KAZN: variants seen among roughly 807,000 people sequenced by gnomAD.
The protein encoded by KAZN is kazrin, periplakin interacting protein.
KAZN carries 40 observed loss-of-function variants against 87.4 expected under a neutral mutation model. That is an observed-to-expected ratio of 0.46 (90% CI 0.36 to 0.60). The LOEUF is 0.60. Among genes scored for constraint, KAZN ranks in the 20% least tolerant of loss-of-function variants. The probability of loss-of-function intolerance (pLI) is 0.00; values close to 1 mark genes in which losing one functional copy is unlikely to be tolerated. For missense variants in KAZN, 898 were observed against 1,073.9 expected, an observed-to-expected ratio of 0.84 and a Z score of 2.29; for synonymous variants, 466 against 458.3, an observed-to-expected ratio of 1.02 and a Z score of -0.22.
chr1:14,496,115 G>A (rs1292275794), intron 2 of KAZN, among the ~76,000 whole-genome samples: 1 of 152,166 alleles, frequency 6.6e-6, no homozygotes, highest in Non-Finnish European at 1.5e-5. Context: ...CAATGAAGAA[G>A]AAAGATCCTT....
intron 2 of KAZN, among the ~76,000 whole-genome samples, chr1:14,337,131 T>C (rs703801): frequency 0.4 from 60,609 of 152,138 alleles, 13,432 homozygotes; most frequent in African/African-American, 0.6. Flanking sequence ...ATGACGCATA[T>C]GAAGCACTTA....
chr1:14,596,616 C>A (rs1421206137), upstream of KAZN, among the ~76,000 whole-genome samples: 1 of 152,218 alleles, frequency 6.6e-6, no homozygotes, highest in African/African-American at 2.4e-5. Context: ...TTCTTCCCTC[C>A]CCACAGCCCC....
At chr1:14,137,701 C>CTTTTTT (rs35819477) in intron 1 of KAZN, among the ~76,000 whole-genome samples, 13 of 65,062 alleles carry the variant, frequency 2.0e-4, no homozygotes, top group South Asian at 7.1e-4. Flanking sequence ...AAATATAAGG[C>CTTTTTT]TTTTTTTTTT....
At chr1:14,339,054 G>T (rs74057185) in intron 2 of KAZN, among the ~76,000 whole-genome samples, 3 of 152,094 alleles carry the variant, frequency 2.0e-5, no homozygotes, top group Admixed American at 6.6e-5. Context: ...CATGATTTTC[G>T]TGGGGATTCA....
intron 1 of KAZN, among the ~76,000 whole-genome samples, chr1:14,934,870 C>T (rs899274181): frequency 2.0e-5 from 3 of 152,238 alleles, no homozygotes; most frequent in Admixed American, 2.0e-4. Context: ...GTCTGTGGCC[C>T]TGCAGCCACC....
At chr1:14,135,227 G>T (rs1350998761) in intron 1 of KAZN, among the ~76,000 whole-genome samples, 2 of 152,178 alleles carry the variant, frequency 1.3e-5, no homozygotes, top group Non-Finnish European at 2.9e-5. Flanking sequence ...CTGTGAGGAG[G>T]CCTTGCCCAC....
chr1:14,898,572 C>T (rs902417965), intron 1 of KAZN, among the ~76,000 whole-genome samples: 2 of 152,166 alleles, frequency 1.3e-5, no homozygotes, highest in Non-Finnish European at 2.9e-5. Flanking sequence ...CAAGCAATTT[C>T]AGGCCCAAAT....
intron 1 of KAZN, among the ~76,000 whole-genome samples, chr1:14,800,201 A>C (rs1027962233): frequency 2.6e-5 from 4 of 152,186 alleles, no homozygotes; most frequent in Non-Finnish European, 4.4e-5. Flanking sequence ...CAAAACCAAG[A>C]ACCACATATG....
intron 2 of KAZN, among the ~76,000 whole-genome samples, chr1:15,003,304 T>G (rs907112782): frequency 1.3e-5 from 2 of 152,184 alleles, no homozygotes; most frequent in Admixed American, 1.3e-4. Flanking sequence ...TGTTTTCATC[T>G]CTATTGCTCC....
intron 2 of KAZN, among the ~76,000 whole-genome samples, chr1:14,208,894 C>T (rs1359082109): frequency 3.3e-5 from 5 of 152,150 alleles, no homozygotes. Flanking sequence ...TTCTCATGCC[C>T]CACAACCCCC....
intron 1 of KAZN, among the ~76,000 whole-genome samples, chr1:14,643,249 C>T (rs1477017793): frequency 6.6e-6 from 1 of 152,116 alleles, no homozygotes; most frequent in Non-Finnish European, 1.5e-5. Context: ...GGGGAGTTGC[C>T]TTACAGGTTA....
At chr1:15,023,326 G>A (rs763387271) in intron 2 of KAZN, among the ~76,000 whole-genome samples, 1 of 152,196 alleles carries the variant, frequency 6.6e-6, no homozygotes, top group Non-Finnish European at 1.5e-5. Flanking sequence ...CCAGTTCAAA[G>A]GAAAACAAAG....
At chr1:14,087,492 A>G (rs1345537844) in intron 1 of KAZN, among the ~76,000 whole-genome samples, 1 of 152,102 alleles carries the variant, frequency 6.6e-6, no homozygotes, top group Non-Finnish European at 1.5e-5. Context: ...CTCTAGTGCA[A>G]TAGCAAATAA....
Position 14,488,831 on chromosome 1 carries a change from C to T in KAZN, c.250-110152C>T, listed in dbSNP as rs78333975. Among the ~76,000 whole-genome samples the T allele has an allele frequency of 9.7e-3, 1,470 of 152,322 alleles. 20 individuals carry two copies. Among genetic ancestry groups the T allele is most frequent in the African/African-American group, 0.034 (1,395 of 41,564 alleles). ...CCTCTGGCTTCCCATCACCCCTTGG[C>T]CCCGTGCGCCATGTTTTCTGGCTTT... On this transcript the variant is annotated intron_variant, in intron 2 of 16. Coordinates refer to the KAZN transcript ENST00000636203.
chr1:14,363,325 T>G (rs753387865), intron 2 of KAZN, among the ~76,000 whole-genome samples: 1 of 152,154 alleles, frequency 6.6e-6, no homozygotes, highest in African/African-American at 2.4e-5. Context: ...CGGAAGGATG[T>G]TCTAAGGGCC....
At chr1:14,646,036 T>G (rs1680781075) in intron 1 of KAZN, among the ~76,000 whole-genome samples, 2 of 152,186 alleles carry the variant, frequency 1.3e-5, no homozygotes, top group Admixed American at 1.3e-4. Context: ...TATATGGCAT[T>G]CTTAATAAGA....
At chr1:13,930,311 G>A (rs1421291018) in intron 1 of KAZN, among the ~76,000 whole-genome samples, 1 of 152,212 alleles carries the variant, frequency 6.6e-6, no homozygotes, top group Non-Finnish European at 1.5e-5. Flanking sequence ...TCTCCATGCA[G>A]TAGACCTGAA....
chr1:15,051,322 G>A (rs944722479), intron 4 of KAZN, among the ~76,000 whole-genome samples: 1 of 152,230 alleles, frequency 6.6e-6, no homozygotes, highest in East Asian at 1.9e-4. Flanking sequence ...AACAGGAACT[G>A]CCATTGGCCC....
At chr1:14,668,246 G>A (rs994103442) in intron 1 of KAZN, among the ~76,000 whole-genome samples, 1 of 152,092 alleles carries the variant, frequency 6.6e-6, no homozygotes, top group Non-Finnish European at 1.5e-5. Flanking sequence ...TTTTCATGCA[G>A]GCCCCTTTCA....
Sources: gnomAD v4.1 joint callset for allele counts (sites outside exome capture counted in the v4.1 genomes callset) on GRCh38, gnomAD v4.1.1 for gene constraint, MANE v1.5 for transcripts, NCBI Gene and HGNC (gene_info 2026-07-23, HGNC 2026-07-21) for gene names.